Variants in RIC1 observed in about 807,000 individuals in gnomAD.
RIC1 encodes guanine nucleotide exchange factor subunit RIC1.
Under a neutral mutation model 169.0 loss-of-function variants are expected in RIC1, and 88 were observed. The observed-to-expected ratio is 0.52, with a 90% CI of 0.44 to 0.62. The LOEUF (loss-of-function observed/expected upper bound fraction) is 0.62, where lower values mean the gene tolerates loss of function less well. Among genes scored for constraint, RIC1 ranks in the 20% least tolerant of loss-of-function variants. RIC1 has a pLI of 0.00. For missense variants in RIC1, 1,877 were observed against 1,725.5 expected, an observed-to-expected ratio of 1.09 and a Z score of -1.56; for synonymous variants, 790 against 601.5, an observed-to-expected ratio of 1.31 and a Z score of -4.59.
intron 3 of RIC1, among the ~76,000 whole-genome samples, chr9:5,711,819 T>C (rs1357527500): frequency 1.3e-5 from 2 of 152,140 alleles, no homozygotes; most frequent in Non-Finnish European, 2.9e-5. Flanking sequence ...AGTGAGAACA[T>C]GCGGTGTTTG....
chr9:5,773,526 G>A (rs1827373211), intron 25 of RIC1, among the ~76,000 whole-genome samples: 1 of 152,154 alleles, frequency 6.6e-6, no homozygotes, highest in East Asian at 1.9e-4. Flanking sequence ...AAGAGCCTTG[G>A]ACTCTAGCCC....
chr9:5,651,501 T>C (rs1158257863), intron 1 of RIC1, among the ~76,000 whole-genome samples: 1 of 152,112 alleles, frequency 6.6e-6, no homozygotes, highest in Non-Finnish European at 1.5e-5. Flanking sequence ...AATCATTTCC[T>C]TTATGTTTTT....
At chr9:5,650,260 T>C (rs1031174983) in intron 1 of RIC1, among the ~76,000 whole-genome samples, 2 of 152,026 alleles carry the variant, frequency 1.3e-5, no homozygotes, top group Admixed American at 1.3e-4. Flanking sequence ...ATGGCAGTAG[T>C]TGTGATGGTA....
chr9:5,653,978 A>G (rs1387945673), intron 1 of RIC1, among the ~76,000 whole-genome samples: 1 of 152,122 alleles, frequency 6.6e-6, no homozygotes. Context: ...ATTGTGTTAC[A>G]TAGTTTTTTA....
chr9:5,637,248 T>C (rs1818013684), intron 1 of RIC1, among the ~76,000 whole-genome samples: 1 of 151,992 alleles, frequency 6.6e-6, no homozygotes, highest in East Asian at 1.9e-4. Context: ...CTGTAATTTT[T>C]TATAGAGATG....
intron 1 of RIC1, among the ~76,000 whole-genome samples, chr9:5,645,169 C>T (rs950558742): frequency 2.6e-5 from 4 of 152,052 alleles, no homozygotes; most frequent in African/African-American, 7.2e-5. Flanking sequence ...TCCTTCCACC[C>T]CAGCCTCCCT....
intron 2 of RIC1, among the ~76,000 whole-genome samples, chr9:5,677,840 CT>C (rs1264928366): frequency 2.7e-5 from 4 of 150,854 alleles, no homozygotes; most frequent in South Asian, 2.1e-4. Flanking sequence ...CATGTTTACT[CT>C]TTTTTTTTAA....
At chr9:5,674,827 C>G (rs1028583275) in intron 2 of RIC1, among the ~76,000 whole-genome samples, 2 of 152,320 alleles carry the variant, frequency 1.3e-5, no homozygotes, top group Admixed American at 6.5e-5. Context: ...AGGCACAGAT[C>G]ACAGACTGTC....
intron 4 of RIC1, among the ~76,000 whole-genome samples, chr9:5,718,009 G>A (rs1317199451): frequency 5.3e-5 from 8 of 151,102 alleles, no homozygotes; most frequent in Admixed American, 3.9e-4. Flanking sequence ...GCATGGTGGC[G>A]TGCGCCTGTA....
intron 17 of RIC1, among the ~76,000 whole-genome samples, chr9:5,761,204 C>T (rs996584156): frequency 1.3e-5 from 2 of 148,992 alleles, no homozygotes; most frequent in African/African-American, 2.5e-5. Context: ...GCCTCCGTCT[C>T]CCGGGTTCAA....
At chr9:5,719,998 C>G in intron 4 of RIC1, among the ~76,000 whole-genome samples, 184 bp from the exon 5 acceptor site, 1 of 152,262 alleles carries the variant, frequency 6.6e-6, no homozygotes, top group South Asian at 2.1e-4. Flanking sequence ...CATAGTCTTT[C>G]ATTTCTTTCA....
intron 1 of RIC1, among the ~76,000 whole-genome samples, chr9:5,654,540 G>T (rs965850818): frequency 3.3e-5 from 5 of 152,002 alleles, no homozygotes; most frequent in African/African-American, 2.4e-5. Context: ...GAGCCACTGT[G>T]CCCAGCTTTG....
At chr9:5,759,033 G>A (rs1465492238) in intron 17 of RIC1, among the ~76,000 whole-genome samples, 2 of 151,756 alleles carry the variant, frequency 1.3e-5, no homozygotes, top group Admixed American at 6.6e-5. Context: ...GTGAGCCATC[G>A]TGCTCGGCCT....
chr9:5,666,564 G>C (rs1482237677), intron 2 of RIC1, among the ~76,000 whole-genome samples: 1 of 152,014 alleles, frequency 6.6e-6, no homozygotes, highest in Non-Finnish European at 1.5e-5. Flanking sequence ...ATTTACTTCT[G>C]TTCTTAGTTT....
intron 13 of RIC1, 142 bp downstream of exon 13, chr9:5,753,380 T>A: frequency 2.4e-6 from 2 of 849,178 alleles, no homozygotes; most frequent in Non-Finnish European, 3.8e-6. Flanking sequence ...TTAACATCTA[T>A]AATTTTGTCA....
intron 2 of RIC1, among the ~76,000 whole-genome samples, chr9:5,673,819 C>G (rs1394687187): frequency 6.6e-6 from 1 of 151,832 alleles, no homozygotes. Context: ...TAAAAATTTA[C>G]TCATTTCTGA....
At chr9:5,678,266 G>C (rs1820582875) in intron 2 of RIC1, among the ~76,000 whole-genome samples, 1 of 152,126 alleles carries the variant, frequency 6.6e-6, no homozygotes, top group Non-Finnish European at 1.5e-5. Context: ...ATTTGGCTTG[G>C]TTTCAAGTGT....
intron 8 of RIC1, 24 bp downstream of exon 8, chr9:5,738,562 T>C: frequency 7.2e-7 from 1 of 1,397,982 alleles, no homozygotes; most frequent in Non-Finnish European, 9.7e-7. Flanking sequence ...TTTTTTTTTT[T>C]TTTTAACATT....
chr9:5,767,343 A>G (rs868248957), intron 21 of RIC1, among the ~76,000 whole-genome samples: 3 of 152,200 alleles, frequency 2.0e-5, no homozygotes, highest in African/African-American at 2.4e-5. Context: ...AGAGATGACT[A>G]TGAATTCACA....
Sources: gnomAD v4.1 joint callset for allele counts (sites outside exome capture counted in the v4.1 genomes callset) on GRCh38, gnomAD v4.1.1 for gene constraint, MANE v1.5 for transcripts, NCBI Gene and HGNC (gene_info 2026-07-23, HGNC 2026-07-21) for gene names.